The following DYSF variants were observed in gnomAD, a reference collection of about 807,000 sequenced individuals.
DYSF encodes dysferlin, also known as dystrophy-associated fer-1-like 1.
Under a neutral mutation model 274.9 loss-of-function variants are expected in DYSF, and 212 were observed. The observed-to-expected ratio is 0.77, with a 90% CI of 0.69 to 0.86. The LOEUF (loss-of-function observed/expected upper bound fraction) is 0.86, where lower values mean the gene tolerates loss of function less well. DYSF is among the 40% of genes least tolerant of loss of function. DYSF has a pLI of 0.00. For synonymous variants in DYSF, 1,091 were observed against 1,078.7 expected (o/e 1.01, Z -0.22); for missense variants, 2,666 against 2,783.2 (o/e 0.96, Z 0.95).
intron 42 of DYSF, among the ~76,000 whole-genome samples, chr2:71,651,830 T>C (rs2094669001): frequency 6.6e-6 from 1 of 152,150 alleles, no homozygotes; most frequent in African/African-American, 2.4e-5. Context: ...ATTCCAGGAA[T>C]ATAAAAAGTT....
At chr2:71,622,223 T>C (rs1163760967) in intron 41 of DYSF, among the ~76,000 whole-genome samples, 3 of 151,706 alleles carry the variant, frequency 2.0e-5, no homozygotes, top group Non-Finnish European at 4.4e-5. Context: ...TTTGGTGCTG[T>C]TCTAAATGGA....
intron 34 of DYSF, chr2:71,601,167 G>A (rs1433643746): frequency 3.4e-6 from 2 of 586,792 alleles, no homozygotes; most frequent in South Asian, 2.0e-5. Flanking sequence ...GATCCCCGTT[G>A]CATTGCTGGC....
intron 6 of DYSF, 75 bp downstream of exon 6, chr2:71,513,407 G>T: frequency 6.8e-7 from 1 of 1,478,194 alleles, no homozygotes; most frequent in Middle Eastern, 1.7e-4. Flanking sequence ...TGGTCAGCTT[G>T]CTGGAGCGGG....
chr2:71,564,300 T>C, intron 24 of DYSF, 87 bp downstream of exon 24: 1 of 1,559,030 alleles, frequency 6.4e-7, no homozygotes, highest in Non-Finnish European at 8.8e-7. Context: ...CTCCTGTTCT[T>C]GACCTATCTT....
intron 45 of DYSF, among the ~76,000 whole-genome samples, chr2:71,663,687 C>T (rs1202809352): frequency 6.6e-6 from 1 of 152,228 alleles, no homozygotes; most frequent in East Asian, 1.9e-4. Context: ...TCAGATACAG[C>T]AAGAGCTCTC....
chr2:71,463,996 C>T (rs528150727), upstream of DYSF, among the ~76,000 whole-genome samples: 313 of 152,258 alleles, frequency 2.1e-3, 1 homozygote, highest in Non-Finnish European at 3.5e-3. Context: ...AGGGTCCAAG[C>T]AGCTAGAGAA....
At chr2:71,483,960 G>C (rs1255170381) in intron 3 of DYSF, among the ~76,000 whole-genome samples, 1 of 151,164 alleles carries the variant, frequency 6.6e-6, no homozygotes, top group Non-Finnish European at 1.5e-5. Context: ...GGACAGTCTG[G>C]TTACTGCAGG....
intron 1 of DYSF, among the ~76,000 whole-genome samples, chr2:71,467,486 C>T (rs542281604): frequency 6.6e-6 from 1 of 152,248 alleles, no homozygotes; most frequent in South Asian, 2.1e-4. Context: ...GATATTTTCT[C>T]TAAATTCAAG....
chr2:71,537,223 G>GTTTTGTTTTTTTTTTTTTTTTTTT (rs1553536523), intron 16 of DYSF, among the ~76,000 whole-genome samples: 1 of 79,626 alleles, frequency 1.3e-5, no homozygotes. Flanking sequence ...TTCTAGTTTT[G>GTTTTGTTTTTTTTTTTTTTTTTTT]TTTTTTTTTT....
intron 1 of DYSF, among the ~76,000 whole-genome samples, chr2:71,474,502 G>A (rs1374594283): frequency 6.6e-6 from 1 of 152,100 alleles, no homozygotes; most frequent in South Asian, 2.1e-4. Context: ...TCAGGAACAG[G>A]GCAGGCCAAA....
intron 41 of DYSF, among the ~76,000 whole-genome samples, chr2:71,625,693 G>A (rs1023875017): frequency 1.3e-5 from 2 of 152,018 alleles, no homozygotes; most frequent in Non-Finnish European, 1.5e-5. Context: ...TTAAAAAAAA[G>A]TTGAGATTTG....
chr2:71,680,927 T>C, intron 53 of DYSF, 74 bp from the exon 54 acceptor site: 1 of 1,307,514 alleles, frequency 7.6e-7, no homozygotes, highest in Non-Finnish European at 1.1e-6. Context: ...CTTATGTTTT[T>C]TCTGGCCTGG....
intron 24 of DYSF, among the ~76,000 whole-genome samples, chr2:71,565,444 C>A (rs938668890): frequency 1.3e-5 from 2 of 152,114 alleles, no homozygotes; most frequent in African/African-American, 4.8e-5. Flanking sequence ...AAGGACTCCT[C>A]AGCCTAAGGC....
At chr2:71,588,353 G>T (rs150529907) in intron 30 of DYSF, among the ~76,000 whole-genome samples, 21 of 152,166 alleles carry the variant, frequency 1.4e-4, no homozygotes, top group Admixed American at 1.4e-3. Flanking sequence ...GGGAGAACAG[G>T]TGTCTAGGGA....
intron 36 of DYSF, among the ~76,000 whole-genome samples, chr2:71,603,040 T>G (rs934488523): frequency 1.3e-5 from 2 of 152,202 alleles, no homozygotes; most frequent in Non-Finnish European, 2.9e-5. Flanking sequence ...AGGCCAGATT[T>G]CACCCAGACA....
At chr2:71,646,148 C>T (rs547304127) in intron 42 of DYSF, among the ~76,000 whole-genome samples, 8 of 152,364 alleles carry the variant, frequency 5.3e-5, no homozygotes, top group African/African-American at 1.7e-4. Flanking sequence ...CAGCAAGTTC[C>T]TCCTCGACTT....
Position 71,644,075 on chromosome 2 carries a change from CTT to C in DYSF, c.4626+13_4626+14del. The C allele has an allele frequency of 6.2e-7, 1 of 1,602,888 alleles. No homozygotes were observed. Among genetic ancestry groups the C allele is most frequent in the Non-Finnish European group, 8.5e-7 (1 of 1,173,358 alleles). The stretch of plus-strand genomic sequence containing the variant: ...TTGACACCCTGAAGGTAAGGCCTCT[CTT>C]CAGTCTGACAGTCGGTGTGTGTGTG... On this transcript the variant is annotated intron_variant, in intron 42 of 55. Coordinates refer to ENST00000410020, the MANE Select transcript of DYSF (RefSeq NM_001130987.2).
intron 41 of DYSF, among the ~76,000 whole-genome samples, chr2:71,629,339 A>G (rs1004970045): frequency 2.0e-5 from 3 of 152,116 alleles, no homozygotes; most frequent in Non-Finnish European, 2.9e-5. Context: ...TCCCTTTGCA[A>G]TATTTTTAAT....
chr2:71,598,084 C>T (rs1043340171), intron 32 of DYSF, among the ~76,000 whole-genome samples: 2 of 152,230 alleles, frequency 1.3e-5, no homozygotes, highest in African/African-American at 4.8e-5. Flanking sequence ...GTCTATTCTT[C>T]AAGGCTCTGA....
Sources: allele counts gnomAD v4.1 joint callset (sites outside exome capture counted in the v4.1 genomes callset), GRCh38; gene constraint gnomAD v4.1.1; transcripts MANE v1.5; gene names NCBI Gene and HGNC (gene_info 2026-07-23, HGNC 2026-07-21).